Variants in PCDHGA11 observed in about 807,000 individuals in gnomAD.
PCDHGA11 encodes the protein protocadherin gamma subfamily A, 11.
In PCDHGA11, 39 loss-of-function variants were observed where a neutral mutation model predicts 60.4. The observed-to-expected ratio is 0.65, with a 90% confidence interval of 0.50 to 0.84. The LOEUF (loss-of-function observed/expected upper bound fraction) is 0.84, where lower values mean the gene tolerates loss of function less well. PCDHGA11 is among the 40% of genes least tolerant of loss of function. The pLI, the probability that PCDHGA11 is intolerant of heterozygous loss-of-function variation, is 0.00. For missense variants in PCDHGA11, 1,165 were observed against 1,197.7 expected (o/e 0.97, Z 0.40); for synonymous variants, 533 against 510.3 (o/e 1.04, Z -0.60).
At position 141,461,820 on chromosome 5, in the gene PCDHGA11, AT is replaced by A. The variant is rs1458631685; in HGVS notation, c.2434-32978del. Among the ~76,000 whole-genome samples the A allele has an allele frequency of 8.1e-5, 12 of 147,918 alleles. 1 individual carries two copies. In the South Asian group the frequency reaches 1.3e-3, roughly 16 times the overall value. On this transcript the variant is annotated intron_variant, in intron 1 of 3. Transcript: ENST00000398587. ...AGGTGCCCACCACCACACCCAGCTAATTTTTTTTTCTTTTTTTTTTGAGACA... is the reference window on the plus strand; with the variant it reads ...AGGTGCCCACCACCACACCCAGCTAATTTTTTTTCTTTTTTTTTTGAGACA...
At chr5:141,423,936 G>A (rs2096792092) in intron 1 of PCDHGA11, 1 of 1,225,102 alleles carries the variant, frequency 8.2e-7, no homozygotes. Context: ...TTGGTTTGAA[G>A]TAAGTTGAAT....
Position 141,486,775 on chromosome 5 carries a change from G to A in PCDHGA11, c.2434-8032G>A, listed in dbSNP as rs2099634725. On this transcript the variant is annotated intron_variant, in intron 1 of 3. Coordinates refer to ENST00000398587, the MANE Select transcript of PCDHGA11 (RefSeq NM_018914.3). This position sits in a 1 kb window ranked among gnomAD's most constrained non-coding sequence, Gnocchi z 5.0. ...AGCAAACCCAGACACTGCAGTTTGA[G>A]GTGCAGGCCCGGGATCGGGGCAACC... 7 of 1,614,122 alleles carry A rather than the reference G, an allele frequency of 4.3e-6. No individual in the cohort carries two copies. Among genetic ancestry groups the A allele is most frequent in the Non-Finnish European group, 5.9e-6 (7 of 1,180,060 alleles).
intron 1 of PCDHGA11, chr5:141,440,995 C>G (rs1425894086): frequency 6.6e-6 from 1 of 152,154 alleles, no homozygotes; most frequent in Non-Finnish European, 1.5e-5. Context: ...GTACCCATAT[C>G]TAGTTTGGCC....
At chr5:141,445,269 C>A (rs535300313) in intron 1 of PCDHGA11, among the ~76,000 whole-genome samples, 1 of 152,260 alleles carries the variant, frequency 6.6e-6, no homozygotes, top group Non-Finnish European at 1.5e-5. Flanking sequence ...AAGTCGAAAC[C>A]ACTCTGCATA....
chr5:141,477,506 G>T lies in PCDHGA11; in HGVS notation c.2434-17301G>T, dbSNP rs766083208. 6.2e-7 allele frequency: 1 copy of T among 1,614,028 alleles called. No homozygotes were observed. The highest frequency in any genetic ancestry group is 8.5e-7 in the Non-Finnish European group (1 of 1,180,016). On this transcript the variant is annotated intron_variant, in intron 1 of 3. Coordinates refer to ENST00000398587, the MANE Select transcript of PCDHGA11 (RefSeq NM_018914.3). This position sits in a 1 kb window ranked among gnomAD's most constrained non-coding sequence, Gnocchi z 4.9. ...ACAATCTTCTCAATCTTCCTACGAC[G>T]TTTACATTGAAGAAAACAACCTCCC...
chr5:141,449,095 T>C (rs2098628347), intron 1 of PCDHGA11, among the ~76,000 whole-genome samples: 1 of 152,204 alleles, frequency 6.6e-6, no homozygotes. Flanking sequence ...AGTTTTTACA[T>C]ATGCAGTATA....
Position 141,489,765 on chromosome 5 carries a change from C to A in PCDHGA11, c.2434-5042C>A. On this transcript the variant is annotated intron_variant, in intron 1 of 3. Transcript: ENST00000398587. The surrounding 1 kb of genome is among the most constrained non-coding windows in gnomAD (Gnocchi z 4.5). ...TGAGCTTTTACACTCTAAGCCCCAA[C>A]AGCCACTTCTCTCTGAATGTGAAGA... 2.5e-6 allele frequency: 4 copies of A among 1,614,174 alleles called. No individual in the cohort carries two copies. The highest frequency in any genetic ancestry group is 3.4e-6 in the Non-Finnish European group (4 of 1,179,992).
At position 141,486,813 on chromosome 5, in the gene PCDHGA11, G is replaced by A; in HGVS notation, c.2434-7994G>A. On this transcript the variant is annotated intron_variant, in intron 1 of 3. Transcript: ENST00000398587. The surrounding 1 kb of genome is among the most constrained non-coding windows in gnomAD (Gnocchi z 5.0). ...GATCGGGGCAACCCACCCCTTAGCA[G>A]CACTGTAACAGTTCGTCTATTTGTG... The A allele has an allele frequency of 6.2e-7, 1 of 1,614,212 alleles. No individual in the cohort carries two copies.
chr5:141,448,814 G>A (rs967588194), intron 1 of PCDHGA11, among the ~76,000 whole-genome samples: 14 of 152,122 alleles, frequency 9.2e-5, no homozygotes, highest in Non-Finnish European at 1.8e-4. Flanking sequence ...GCGTGATGGC[G>A]GGCGCCTGTA....
At chr5:141,495,010 G>T (rs1327870362) in intron 2 of PCDHGA11, 145 bp downstream of exon 2, 1 of 1,516,970 alleles carries the variant, frequency 6.6e-7, no homozygotes, top group Non-Finnish European at 8.9e-7. Flanking sequence ...GTGTGCGGGG[G>T]GCTGGCACAC....
Position 141,485,713 on chromosome 5 carries a change from G to T in PCDHGA11, c.2434-9094G>T. On this transcript the variant is annotated intron_variant, in intron 1 of 3. Transcript: ENST00000398587. The surrounding 1 kb of genome is among the most constrained non-coding windows in gnomAD (Gnocchi z 5.7). ...TGAGCTCCAATGAACACTTTGCACT[G>T]GATGTGAAGAAGCGCAGCGACGGCA... 1 of 1,614,202 alleles carries T rather than the reference G, an allele frequency of 6.2e-7. No individual in the cohort carries two copies. The highest frequency in any genetic ancestry group is 8.5e-7 in the Non-Finnish European group (1 of 1,180,038).
At chr5:141,438,637 C>T (rs11958903) in intron 1 of PCDHGA11, among the ~76,000 whole-genome samples, 3,503 of 30,116 alleles carry the variant, frequency 0.12, 108 homozygotes, top group Non-Finnish European at 0.15. Context: ...TATATATATA[C>T]ACACACACAC....
Position 141,493,836 on chromosome 5 carries a change from A to G in PCDHGA11, c.2434-971A>G, listed in dbSNP as rs1411929024. Among the ~76,000 whole-genome samples the G allele has an allele frequency of 6.6e-6, 1 of 152,194 alleles. No individual in the cohort carries two copies. Among genetic ancestry groups the G allele is most frequent in the Non-Finnish European group, 1.5e-5 (1 of 68,038 alleles). On this transcript the variant is annotated intron_variant, in intron 1 of 3. Transcript: ENST00000398587. This position sits in a 1 kb window ranked among gnomAD's most constrained non-coding sequence, Gnocchi z 4.3. ...ACACTCTCTGCTTCTGGGAGCAAGT[A>G]TGAGTATTAATTACCAGCCCACCCC...
At chr5:141,468,755 A>G (rs918829539) in intron 1 of PCDHGA11, among the ~76,000 whole-genome samples, 3 of 151,976 alleles carry the variant, frequency 2.0e-5, no homozygotes, top group African/African-American at 7.2e-5. Flanking sequence ...AGTCCCAGCT[A>G]CTCGGGAGGC....
In PCDHGA11 at chr5:141,486,757, C is replaced by A; in HGVS notation, c.2434-8050C>A. 5 of 1,614,228 alleles carry A rather than the reference C, an allele frequency of 3.1e-6. No homozygotes were observed. Among genetic ancestry groups the A allele is most frequent in the Non-Finnish European group, 4.2e-6 (5 of 1,180,036 alleles). ...CTCGATCCTTTGACTATGAGCAAAC[C>A]CAGACACTGCAGTTTGAGGTGCAGG... On this transcript the variant is annotated intron_variant, in intron 1 of 3. Coordinates refer to ENST00000398587, the MANE Select transcript of PCDHGA11 (RefSeq NM_018914.3). This position sits in a 1 kb window ranked among gnomAD's most constrained non-coding sequence, Gnocchi z 5.0.
chr5:141,433,837 C>CAAAAAA (rs56191208), intron 1 of PCDHGA11, among the ~76,000 whole-genome samples: 2 of 111,692 alleles, frequency 1.8e-5, no homozygotes, highest in Non-Finnish European at 3.9e-5. Context: ...AACTCTATCT[C>CAAAAAA]AAAAAAAAAA....
chr5:141,446,775 T>C (rs1175892018), intron 1 of PCDHGA11, among the ~76,000 whole-genome samples: 2 of 152,188 alleles, frequency 1.3e-5, no homozygotes, highest in Admixed American at 6.5e-5. Context: ...CCGGTTACCA[T>C]TCTTTTACTC....
chr5:141,494,441 C>T (rs1187169994), intron 1 of PCDHGA11, among the ~76,000 whole-genome samples: 2 of 152,154 alleles, frequency 1.3e-5, no homozygotes, highest in African/African-American at 4.8e-5. Context: ...TCCTTTGCCA[C>T]TTTAGGGGGC....
intron 1 of PCDHGA11, among the ~76,000 whole-genome samples, chr5:141,472,648 C>G (rs762736307): frequency 1.3e-5 from 2 of 151,864 alleles, no homozygotes; most frequent in African/African-American, 4.8e-5. Flanking sequence ...TGTGTTGAAT[C>G]AGTATATAAA....
Sources: gnomAD v4.1 joint callset for allele counts (sites outside exome capture counted in the v4.1 genomes callset) on GRCh38, gnomAD v4.1.1 for gene constraint, Gnocchi (gnomAD v3.1) non-coding constraint, MANE v1.5 for transcripts, NCBI Gene and HGNC (gene_info 2026-07-23, HGNC 2026-07-21) for gene names.